The following ARF1 variants were observed in gnomAD, a reference collection of about 807,000 sequenced individuals.
The protein encoded by ARF1 is ARF GTPase 1.
Under a neutral mutation model 18.0 loss-of-function variants are expected in ARF1, and 1 was observed. The ratio of observed to expected loss-of-function variants is 0.06; its 90% confidence interval spans 0.02 to 0.26. The LOEUF (loss-of-function observed/expected upper bound fraction) is 0.26. Among genes scored for constraint, ARF1 ranks in the 10% least tolerant of loss-of-function variants. ARF1 has a pLI of 1.00. For synonymous variants in ARF1, 112 were observed against 96.3 expected, an observed-to-expected ratio of 1.16 and a Z score of -0.95; for missense variants, 73 against 247.2, an observed-to-expected ratio of 0.30 and a Z score of 4.73.
At position 228,089,924 on chromosome 1, in the gene ARF1, C is replaced by T. The variant is rs1192059568; in HGVS notation, c.-37-7154C>T. 2.0e-5 allele frequency among the ~76,000 whole-genome samples: 3 copies of T among 152,228 alleles called. No homozygotes were observed. The highest frequency in any genetic ancestry group is 4.4e-5 in the Non-Finnish European group (3 of 68,038). On this transcript the variant is annotated intron_variant, in intron 1 of 4. Transcript: ENST00000272102. The surrounding 1 kb of genome is among the most constrained non-coding windows in gnomAD (Gnocchi z 4.1). ...CTGGCAAAACTGAGTATCACCCTCT[C>T]TTCCTGGGTTCTTGCCACTCCCCTG...
At chr1:228,096,094 T>C (rs2032736708) in intron 1 of ARF1, among the ~76,000 whole-genome samples, 1 of 152,122 alleles carries the variant, frequency 6.6e-6, no homozygotes, top group African/African-American at 2.4e-5. Context: ...TTGCTGATGT[T>C]GAGAAATGGA....
In ARF1 at chr1:228,097,222, G is replaced by C; in HGVS notation, c.108G>C (p.Lys36Asn). The C allele has an allele frequency of 6.2e-7, 1 of 1,613,762 alleles. No homozygotes were observed. The highest frequency in any genetic ancestry group is 8.5e-7 in the Non-Finnish European group (1 of 1,179,814). Reference protein sequence around the residue: ...DAAGKTTILYKLKLGEIVTTI... With the variant: ...DAAGKTTILYNLKLGEIVTTI... ...CAGGGAAGACCACGATCCTCTACAA[G>C]CTTAAGCTGGGTGAGATCGTGACCA... The change falls in exon 2 of 5, where the codon AAG (lysine) becomes AAC (asparagine). Residue 36 changes from lysine (K) to asparagine (N), a missense_variant. Physicochemically the swap from Lys to Asn is moderately conservative, Grantham distance 94. Transcript: ENST00000272102. The surrounding 1 kb of genome is among the most constrained non-coding windows in gnomAD (Gnocchi z 8.1).
rs74140919 is a variant in ARF1, at chr1:228,085,873, T to C, written c.-38+3108T>C. Among the ~76,000 whole-genome samples the C allele has an allele frequency of 6.8e-3, 1,038 of 152,300 alleles. 7 individuals carry two copies. Among genetic ancestry groups the C allele is most frequent in the African/African-American group, 0.021 (863 of 41,552 alleles). On this transcript the variant is annotated intron_variant, in intron 1 of 4. Transcript: ENST00000272102. The stretch of plus-strand genomic sequence containing the variant: ...ATAGTTGTGGATTGCAAAATACATA[T>C]CTGGCCTGCCTCCCATTTCCTGGCT...
chr1:228,094,164 T>A (rs772708935), intron 1 of ARF1, among the ~76,000 whole-genome samples: 7 of 152,078 alleles, frequency 4.6e-5, no homozygotes, highest in Admixed American at 1.3e-4. Flanking sequence ...CCTGAGTGGC[T>A]GGGTGTTACT....
intron 1 of ARF1, among the ~76,000 whole-genome samples, chr1:228,087,723 T>A (rs1351284530): frequency 2.0e-5 from 3 of 152,150 alleles, no homozygotes; most frequent in African/African-American, 7.2e-5. Context: ...CATCCTTCCC[T>A]CCCTCTTGTG....
intron 1 of ARF1, among the ~76,000 whole-genome samples, chr1:228,093,644 C>T (rs1255778415): frequency 5.3e-5 from 8 of 150,846 alleles, no homozygotes; most frequent in Admixed American, 1.3e-4. Context: ...AAAAAAAATC[C>T]GGGCGTGGTG....
chr1:228,095,520 T>G (rs918043095), intron 1 of ARF1, among the ~76,000 whole-genome samples: 4 of 152,178 alleles, frequency 2.6e-5, no homozygotes, highest in Admixed American at 6.5e-5. Context: ...ATTGAGATTT[T>G]GGGGGTTTTT....
At chr1:228,085,641 A>T (rs891248280) in intron 1 of ARF1, among the ~76,000 whole-genome samples, 2 of 152,236 alleles carry the variant, frequency 1.3e-5, no homozygotes, top group Non-Finnish European at 2.9e-5. Flanking sequence ...GGCCCTGATA[A>T]CAGGAGAAGC....
At position 228,097,965 on chromosome 1, in the gene ARF1, C is replaced by A; in HGVS notation, c.498C>A (p.Leu166=). Residue 166 remains leucine (L), a synonymous_variant, in exon 5 of 5, where the codon CTC becomes CTA. Coordinates refer to ENST00000272102, the MANE Select transcript of ARF1 (RefSeq NM_001658.4). This position sits in a 1 kb window ranked among gnomAD's most constrained non-coding sequence, Gnocchi z 8.1. ...QATCATSGDG[L]YEGLDWLSNQ... The stretch of plus-strand genomic sequence containing the variant: ...CCTGCGCCACCAGCGGCGACGGGCT[C>A]TATGAAGGACTGGACTGGCTGTCCA... The A allele has an allele frequency of 6.2e-7, 1 of 1,614,208 alleles. No homozygotes were observed. Among genetic ancestry groups the A allele is most frequent in the Non-Finnish European group, 8.5e-7 (1 of 1,180,042 alleles).
Position 228,082,823 on chromosome 1 carries a change from C to G in ARF1, c.-38+58C>G, listed in dbSNP as rs1402819525. Reference sequence around the variant, plus strand: ...GCAGAGACGTTGGAGCCGGCGGGGGCTGGGGACTGGCCTCGGGGCGACTTG... The same window carrying G: ...GCAGAGACGTTGGAGCCGGCGGGGGGTGGGGACTGGCCTCGGGGCGACTTG... On this transcript the variant is annotated intron_variant, in intron 1 of 4. Coordinates refer to ENST00000272102, the MANE Select transcript of ARF1 (RefSeq NM_001658.4). The surrounding 1 kb of genome is among the most constrained non-coding windows in gnomAD (Gnocchi z 6.1). The G allele has an allele frequency of 6.6e-6, 1 of 152,346 alleles. No homozygotes were observed. Among genetic ancestry groups the G allele is most frequent in the Non-Finnish European group, 1.5e-5 (1 of 68,252 alleles). 9.4% of individuals were successfully genotyped at this position (152,346 alleles called of 1,614,324 possible). A position where few individuals can be genotyped will look rare whatever the true frequency, so the allele number is the denominator to read the frequency against.
rs184012798 is a variant in ARF1 at position 228,098,279 on chromosome 1, T to C, written c.*266T>C. 2.9e-6 allele frequency: 1 copy of C among 339,460 alleles called. No homozygotes were observed. The highest frequency in any genetic ancestry group is 5.3e-6 in the Non-Finnish European group (1 of 188,252). 21.0% of individuals were successfully genotyped at this position (339,460 alleles called of 1,614,324 possible). A position where few individuals can be genotyped will look rare whatever the true frequency, so the allele number is the denominator to read the frequency against. ...TGTAAAAAGAAAAATCAACTCACTG[T>C]TCAGTGCTGAGAGGGGATGTAGGCC... On this transcript the variant is annotated 3_prime_UTR_variant, in exon 5 of 5. Coordinates refer to ENST00000272102, the MANE Select transcript of ARF1 (RefSeq NM_001658.4).
intron 1 of ARF1, among the ~76,000 whole-genome samples, chr1:228,087,840 CAT>C (rs753464879): frequency 5.3e-5 from 8 of 152,178 alleles, no homozygotes; most frequent in Non-Finnish European, 7.3e-5. Flanking sequence ...CTGACCCACA[CAT>C]GAGTACAGTT....
At chr1:228,085,754 C>T (rs2032373656) in intron 1 of ARF1, among the ~76,000 whole-genome samples, 1 of 152,236 alleles carries the variant, frequency 6.6e-6, no homozygotes, top group Admixed American at 6.5e-5. Flanking sequence ...CATTCTCCCA[C>T]ACCCTTGAGG....
In ARF1 at chr1:228,098,045, C is replaced by T. The variant is rs1362238468; in HGVS notation, c.*32C>T. Reference sequence around the variant, plus strand: ...CCCCCCTCCCTCTCACTCCTCTTGCCCTCTGCTTTACTCTCATGTGGCAAA... The same window carrying T: ...CCCCCCTCCCTCTCACTCCTCTTGCTCTCTGCTTTACTCTCATGTGGCAAA... On this transcript the variant is annotated 3_prime_UTR_variant, in exon 5 of 5. Transcript: ENST00000272102. 1.3e-6 allele frequency: 2 copies of T among 1,589,904 alleles called. No homozygotes were observed.
intron 1 of ARF1, among the ~76,000 whole-genome samples, chr1:228,087,608 C>T (rs1045807514): frequency 3.9e-5 from 6 of 152,092 alleles, no homozygotes; most frequent in African/African-American, 1.4e-4. Flanking sequence ...AACCACTGCA[C>T]TCCAGCTTGA....
Position 228,098,173 on chromosome 1 carries a change from T to G in ARF1, c.*160T>G. ...TGGCAGACGCAGCCTGCGGCCAGGC[T>G]TTTTATTTAATGTAAATAGTTTTTG... On this transcript the variant is annotated 3_prime_UTR_variant, in exon 5 of 5. Coordinates refer to ENST00000272102, the MANE Select transcript of ARF1 (RefSeq NM_001658.4). 1.2e-6 allele frequency: 1 copy of G among 820,334 alleles called. No homozygotes were observed. Among genetic ancestry groups the G allele is most frequent in the Non-Finnish European group, 1.8e-6 (1 of 555,868 alleles). The allele number at this position is 820,334 out of a possible 1,614,324, so 50.8% of individuals were successfully genotyped here. A position where few individuals can be genotyped will look rare whatever the true frequency, so the allele number is the denominator to read the frequency against.
In ARF1 at chr1:228,082,823, C is replaced by T. The variant is rs1402819525; in HGVS notation, c.-38+58C>T. The stretch of plus-strand genomic sequence containing the variant: ...GCAGAGACGTTGGAGCCGGCGGGGG[C>T]TGGGGACTGGCCTCGGGGCGACTTG... On this transcript the variant is annotated intron_variant, in intron 1 of 4. Transcript: ENST00000272102. This position sits in a 1 kb window ranked among gnomAD's most constrained non-coding sequence, Gnocchi z 6.1. 1.3e-5 allele frequency: 2 copies of T among 152,346 alleles called. No individual in the cohort carries two copies. Among genetic ancestry groups the T allele is most frequent in the Non-Finnish European group, 2.9e-5 (2 of 68,252 alleles). The allele number at this position is 152,346 out of a possible 1,614,324, so 9.4% of individuals were successfully genotyped here.
chr1:228,098,144 A>G lies in ARF1; in HGVS notation c.*131A>G. The G allele has an allele frequency of 8.9e-7, 1 of 1,128,136 alleles. No individual in the cohort carries two copies. The highest frequency in any genetic ancestry group is 1.2e-6 in the Non-Finnish European group (1 of 821,974). 69.9% of individuals were successfully genotyped at this position (1,128,136 alleles called of 1,614,324 possible). A position where few individuals can be genotyped will look rare whatever the true frequency, so the allele number is the denominator to read the frequency against. On this transcript the variant is annotated 3_prime_UTR_variant, in exon 5 of 5. Transcript: ENST00000272102. ...ACCGTGTGCATCGCACCGTGCTGTA[A>G]ATGTGGCAGACGCAGCCTGCGGCCA... is the stretch of plus-strand genomic sequence containing the variant.
chr1:228,096,274 G>T (rs138465651), intron 1 of ARF1, among the ~76,000 whole-genome samples: 101 of 152,390 alleles, frequency 6.6e-4, no homozygotes, highest in Non-Finnish European at 1.2e-3. Context: ...CCTCTTGAAG[G>T]CAGAAGCCTT....
Sources: allele counts gnomAD v4.1 joint callset (sites outside exome capture counted in the v4.1 genomes callset), GRCh38; gene constraint gnomAD v4.1.1; non-coding constraint Gnocchi (gnomAD v3.1); transcripts MANE v1.5; gene names NCBI Gene and HGNC (gene_info 2026-07-23, HGNC 2026-07-21).